The following MVB12A variants were observed in gnomAD, a reference collection of about 807,000 sequenced individuals.
MVB12A encodes CIN85/CD2AP family binding protein.
A neutral mutation model predicts 34.3 loss-of-function variants in MVB12A; 30 were observed. The observed-to-expected ratio is 0.88, with a 90% CI of 0.65 to 1.19. The LOEUF is 1.19. Ranked by LOEUF, MVB12A falls within the 50% of genes most tolerant of loss-of-function variation. The pLI is 0.00. For synonymous variants in MVB12A, 158 were observed against 158.9 expected, an observed-to-expected ratio of 0.99 and a Z score of 0.04; for missense variants, 355 against 369.2, an observed-to-expected ratio of 0.96 and a Z score of 0.31.
intron 4 of MVB12A, chr19:17,422,746 C>T (rs898394231): frequency 2.2e-5 from 4 of 182,066 alleles, no homozygotes; most frequent in Non-Finnish European, 3.4e-5. Context: ...GTCAGGAGAT[C>T]GAGACCATCC....
Position 17,424,083 on chromosome 19 carries a change from A to C in MVB12A, c.702+16A>C. On this transcript the variant is annotated intron_variant, in intron 7 of 8. Coordinates refer to ENST00000317040, the MANE Select transcript of MVB12A (RefSeq NM_138401.4). The stretch of plus-strand genomic sequence containing the variant: ...CAGCCCCCTGGTGAGTCGGGGTCTC[A>C]GGGAGCCTGGGTCTGCGCCTGCCAT... The C allele has an allele frequency of 2.5e-6, 4 of 1,613,334 alleles. No homozygotes were observed. Among genetic ancestry groups the C allele is most frequent in the Middle Eastern group, 3.3e-4 (2 of 6,060 alleles).
rs1439561305 is a variant in MVB12A, at chr19:17,424,920, C to T, written c.760-11C>T. 10 of 1,600,206 alleles carry T rather than the reference C, an allele frequency of 6.2e-6. No individual in the cohort carries two copies. The highest frequency in any genetic ancestry group is 6.8e-6 in the Non-Finnish European group (8 of 1,171,976). ...TGGCACCTGTTCACTCTCTCTCTCC[C>T]CATCCCCCAGTATAACTACGGCTTC... On this transcript the variant is annotated splice_polypyrimidine_tract_variant and intron_variant, in intron 8 of 8. Transcript: ENST00000317040.
At chr19:17,408,791 A>G (rs1179793786) in intron 2 of MVB12A, among the ~76,000 whole-genome samples, 3 of 139,808 alleles carry the variant, frequency 2.1e-5, no homozygotes, top group African/African-American at 5.2e-5. Flanking sequence ...ATTTTTATAT[A>G]TTGGTTGGTG....
At chr19:17,410,619 T>A (rs1259344901) in intron 2 of MVB12A, among the ~76,000 whole-genome samples, 6 of 141,468 alleles carry the variant, frequency 4.2e-5, no homozygotes, top group Non-Finnish European at 7.5e-5. Flanking sequence ...TATATATATA[T>A]AATTATTATT....
chr19:17,424,723 G>A, intron 8 of MVB12A, 46 bp downstream of exon 8: 1 of 1,558,958 alleles, frequency 6.4e-7, no homozygotes, highest in Non-Finnish European at 8.7e-7. Context: ...CTAGGGAGGA[G>A]GTGCCTGAGG....
In MVB12A at chr19:17,420,069, C is replaced by A; in HGVS notation, c.-67C>A. 1 of 1,026,274 alleles carries A rather than the reference C, an allele frequency of 9.7e-7. No individual in the cohort carries two copies. The highest frequency in any genetic ancestry group is 3.2e-5 in the South Asian group (1 of 31,582). 63.6% of individuals were successfully genotyped at this position (1,026,274 alleles called of 1,614,324 possible). ...GTTGTAGTTCGGTCGCGAGCGCTGC[C>A]GTCGGGAGGCGCTCCGAGGTTCGAG... On this transcript the variant is annotated 5_prime_UTR_variant, in exon 1 of 9. Transcript: ENST00000317040.
intron 2 of MVB12A, among the ~76,000 whole-genome samples, chr19:17,410,993 G>A (rs182019447): frequency 0.02 from 2,997 of 147,582 alleles, 105 homozygotes; most frequent in African/African-American, 0.066. Context: ...TTTTGAGACA[G>A]AGTCTCACTC....
At chr19:17,420,454 TC>T in intron 2 of MVB12A, 43 bp downstream of exon 2, 1 of 1,600,680 alleles carries the variant, frequency 6.2e-7, no homozygotes, top group Admixed American at 1.7e-5. Flanking sequence ...TCTGCCCACC[TC>T]CCCTGCCCAT....
intron 3 of MVB12A, among the ~76,000 whole-genome samples, chr19:17,421,565 G>C (rs916176410): frequency 1.3e-5 from 2 of 152,090 alleles, no homozygotes; most frequent in Non-Finnish European, 2.9e-5. Context: ...GGCTTTACAG[G>C]GCAGATGATG....
chr19:17,416,412 CT>C (rs555309319), upstream of MVB12A, among the ~76,000 whole-genome samples: 15,495 of 129,378 alleles, frequency 0.12, 1,820 homozygotes, highest in African/African-American at 0.33. Flanking sequence ...GCCCAGCCTG[CT>C]TTTTTTTTTT....
At chr19:17,417,959 C>T (rs546178926), upstream of MVB12A, 323 of 217,624 alleles carry the variant, frequency 1.5e-3, 1 homozygote, top group Admixed American at 3.3e-3. Context: ...TGCAGTGGCA[C>T]GATCTCCGCT....
rs1568387298 is a variant in MVB12A, at chr19:17,410,496, T to TTATATATGTATATATATA, written c.-5+4200_-5+4201insTATATATGTATATATATA. On this transcript the variant is annotated intron_variant, in intron 2 of 6. Coordinates refer to the MVB12A transcript ENST00000528604. Reference sequence around the variant, plus strand: ...CGCTAGCATTCTTTTGGTTTTAGCTTCATATATATATATATATATATATAT... The same window carrying TTATATATGTATATATATA: ...CGCTAGCATTCTTTTGGTTTTAGCTTTATATATGTATATATATACATATATATATATATATATATATAT... Among the ~76,000 whole-genome samples the TTATATATGTATATATATA allele has an allele frequency of 8.8e-3, 277 of 31,470 alleles. 19 individuals carry two copies. The highest frequency in any genetic ancestry group is 0.026 in the African/African-American group (261 of 10,030). 20.6% of individuals were successfully genotyped at this position (31,470 alleles called of 152,430 possible).
chr19:17,419,683 A>G (rs28566848), upstream of MVB12A: 7,335 of 153,104 alleles, frequency 0.048, 463 homozygotes, highest in African/African-American at 0.14. Context: ...CCGCCTCCCA[A>G]AGTGCCGGGA....
At chr19:17,409,750 C>CT (rs967564190) in intron 2 of MVB12A, among the ~76,000 whole-genome samples, 50 of 151,952 alleles carry the variant, frequency 3.3e-4, no homozygotes, top group Middle Eastern at 6.8e-3. Context: ...CGCACCCAGC[C>CT]TTTTTTTGTT....
At position 17,406,573 on chromosome 19, in the gene MVB12A, G is replaced by A. The variant is rs548835240; in HGVS notation, c.-5+277G>A. Among the ~76,000 whole-genome samples, 59 of 151,966 alleles carry A rather than the reference G, an allele frequency of 3.9e-4. 1 individual carries two copies. The highest frequency in any genetic ancestry group is 3.9e-4 in the Admixed American group (6 of 15,274). ...CAGACAGTAGGCGAGGTCAAGTCCA[G>A]AGCCCAGGCCTCCCAGAAGGCCTGG... On this transcript the variant is annotated intron_variant, in intron 2 of 6. Transcript: ENST00000528604.
upstream of MVB12A, chr19:17,419,721 C>G (rs1030173806): frequency 1.3e-5 from 2 of 154,656 alleles, no homozygotes; most frequent in African/African-American, 4.8e-5. Flanking sequence ...TGCGCGCGGC[C>G]ACAAAGCTCC....
At chr19:17,423,829 G>A (rs1409459197) in intron 6 of MVB12A, 30 bp downstream of exon 6, 1 of 1,603,064 alleles carries the variant, frequency 6.2e-7, no homozygotes, top group African/African-American at 1.3e-5. Flanking sequence ...ACTGAGGCGT[G>A]GAAGTGGAGG....
Position 17,424,606 on chromosome 19 carries a change from A to C in MVB12A, c.703-15A>C, listed in dbSNP as rs1421632964. On this transcript the variant is annotated splice_polypyrimidine_tract_variant and intron_variant, in intron 7 of 8. Transcript: ENST00000317040. The stretch of plus-strand genomic sequence containing the variant: ...TTGAGATCGGGCCCAAGGCTGACCC[A>C]CCTCTGCCCGCCAGGCCTTCTCTGC... The C allele has an allele frequency of 6.2e-7, 1 of 1,608,814 alleles. No individual in the cohort carries two copies. The highest frequency in any genetic ancestry group is 1.7e-5 in the Admixed American group (1 of 59,102).
rs564501516 is a variant in MVB12A at position 17,410,681 on chromosome 19, G to A, written c.-5+4385G>A. On this transcript the variant is annotated intron_variant, in intron 2 of 6. Coordinates refer to the MVB12A transcript ENST00000528604. ...GCAGTGGTTCATGCCTGTAATCCCA[G>A]CACTTTGGAGGCTGAGGCGGGTGGA... 2.2e-4 allele frequency among the ~76,000 whole-genome samples: 32 copies of A among 146,712 alleles called. No individual in the cohort carries two copies. The South Asian group carries it at 4.7e-3, about 21-fold the overall frequency.
Sources: allele counts gnomAD v4.1 joint callset (sites outside exome capture counted in the v4.1 genomes callset), GRCh38; gene constraint gnomAD v4.1.1; transcripts MANE v1.5; gene names NCBI Gene and HGNC (gene_info 2026-07-23, HGNC 2026-07-21).